LIFR: variants seen among roughly 807,000 people sequenced by gnomAD.
The protein encoded by LIFR is leukemia inhibitory factor receptor.
In LIFR, 84 loss-of-function variants were observed where a neutral mutation model predicts 122.2. That is an observed-to-expected ratio of 0.69 (90% CI 0.58 to 0.82). The LOEUF (loss-of-function observed/expected upper bound fraction) is 0.82. LIFR is among the 40% of genes least tolerant of loss of function. The pLI is 0.00. For missense variants in LIFR, 1,294 were observed against 1,311.6 expected, an observed-to-expected ratio of 0.99 and a Z score of 0.21; for synonymous variants, 422 against 434.7, an observed-to-expected ratio of 0.97 and a Z score of 0.36.
intron 4 of LIFR, among the ~76,000 whole-genome samples, chr5:38,526,299 C>T (rs1015997428): frequency 2.0e-5 from 3 of 151,962 alleles, no homozygotes; most frequent in African/African-American, 7.3e-5. Flanking sequence ...CTTTTTTTTA[C>T]AGGACCCACA....
At chr5:38,539,738 A>C (rs1318001699) in intron 1 of LIFR, among the ~76,000 whole-genome samples, 2 of 152,030 alleles carry the variant, frequency 1.3e-5, no homozygotes, top group Non-Finnish European at 2.9e-5. Context: ...TAGGAGGGGG[A>C]AAAATACTAA....
chr5:38,488,213 A>G (rs1744391632), intron 16 of LIFR, among the ~76,000 whole-genome samples: 1 of 152,148 alleles, frequency 6.6e-6, no homozygotes, highest in Non-Finnish European at 1.5e-5. Flanking sequence ...ATTCACCAGC[A>G]ATCATGAAGG....
At chr5:38,485,739 G>C in intron 17 of LIFR, 80 bp downstream of exon 17, 1 of 1,489,884 alleles carries the variant, frequency 6.7e-7, no homozygotes, top group Non-Finnish European at 9.4e-7. Flanking sequence ...GGGCGGGGAG[G>C]GGTTCCTACA....
rs113120185 is a variant in LIFR, at chr5:38,592,681, G to A, written c.-20+2580C>T. On this transcript the variant is annotated intron_variant, in intron 1 of 19. Coordinates refer to the LIFR transcript ENST00000263409. ...CAAAAAAAAAAAAAAAAAAAGTTAC[G>A]TGAGACGGCACCATATGTGCACATT... 4.7e-3 allele frequency among the ~76,000 whole-genome samples: 713 copies of A among 150,460 alleles called. 8 individuals are homozygous for A. The highest frequency in any genetic ancestry group is 0.016 in the African/African-American group (668 of 40,984).
chr5:38,572,732 A>G (rs1330076887), intron 1 of LIFR, among the ~76,000 whole-genome samples: 1 of 152,208 alleles, frequency 6.6e-6, no homozygotes, highest in East Asian at 1.9e-4. Context: ...GTTGTTAACA[A>G]TAGCTACCCC....
At chr5:38,575,863 G>A (rs368310809) in intron 1 of LIFR, among the ~76,000 whole-genome samples, 2 of 152,294 alleles carry the variant, frequency 1.3e-5, no homozygotes, top group Admixed American at 6.5e-5. Context: ...TAACTGAGGT[G>A]ACCCGGGCTC....
At chr5:38,483,586 T>C (rs1393926420) in intron 18 of LIFR, among the ~76,000 whole-genome samples, 1 of 152,090 alleles carries the variant, frequency 6.6e-6, no homozygotes, top group African/African-American at 2.4e-5. Flanking sequence ...CGTGCCACTA[T>C]GCTCAGCTAA....
At chr5:38,560,629 C>T (rs1229282137), upstream of LIFR, among the ~76,000 whole-genome samples, 2 of 150,508 alleles carry the variant, frequency 1.3e-5, no homozygotes, top group Admixed American at 1.3e-4. Context: ...CAGAGTCTTG[C>T]TCTGTCGTCC....
chr5:38,552,218 C>T (rs1748243342), intron 1 of LIFR, among the ~76,000 whole-genome samples: 1 of 152,166 alleles, frequency 6.6e-6, no homozygotes, highest in South Asian at 2.1e-4. Context: ...AAGTTAAAAA[C>T]CATCATTCTG....
Position 38,475,211 on chromosome 5 carries a change from C to G in LIFR, c.*6384G>C. On this transcript the variant is annotated 3_prime_UTR_variant, in exon 20 of 20. Transcript: ENST00000453190. ...ATATAAAGTGTCCAAATTTCCCATT[C>G]TAACAGCAATTTAAAATCCAAATTT... The G allele has an allele frequency of 5.3e-6, 1 of 187,962 alleles. No homozygotes were observed. The highest frequency in any genetic ancestry group is 1.1e-5 in the Non-Finnish European group (1 of 89,264). The allele number at this position is 187,962 out of a possible 1,614,324, so 11.6% of individuals were successfully genotyped here. A position where few individuals can be genotyped will look rare whatever the true frequency, so the allele number is the denominator to read the frequency against.
intron 5 of LIFR, among the ~76,000 whole-genome samples, chr5:38,519,573 A>C (rs1328151046): frequency 6.6e-6 from 1 of 152,098 alleles, no homozygotes; most frequent in Non-Finnish European, 1.5e-5. Flanking sequence ...CTAACTGTAC[A>C]TTTGTACCCA....
chr5:38,572,772 C>G (rs1470111086), intron 1 of LIFR, among the ~76,000 whole-genome samples: 1 of 152,220 alleles, frequency 6.6e-6, no homozygotes, highest in Non-Finnish European at 1.5e-5. Flanking sequence ...ATGCCAAGCA[C>G]TTTGTGCAGC....
chr5:38,596,595 C>T (rs574325400), upstream of LIFR, among the ~76,000 whole-genome samples: 10 of 152,264 alleles, frequency 6.6e-5, no homozygotes, highest in East Asian at 1.9e-4. Flanking sequence ...TTACCTGGCT[C>T]GGACAGTGTA....
rs1743864643 is a variant in LIFR, at chr5:38,479,271, C to T, written c.*2324G>A. The T allele has an allele frequency of 4.3e-6, 1 of 231,788 alleles. No homozygotes were observed. The highest frequency in any genetic ancestry group is 8.5e-6 in the Non-Finnish European group (1 of 117,164). 14.4% of individuals were successfully genotyped at this position (231,788 alleles called of 1,614,324 possible). A position where few individuals can be genotyped will look rare whatever the true frequency, so the allele number is the denominator to read the frequency against. On this transcript the variant is annotated 3_prime_UTR_variant, in exon 20 of 20. Coordinates refer to ENST00000453190, the MANE Select transcript of LIFR (RefSeq NM_001127671.2). Reference sequence around the variant, plus strand: ...CACAGCAACTTATAAGGAGCTTGCCCAGACTTAATAGCGTTACTCTGCTTC... The same window carrying T: ...CACAGCAACTTATAAGGAGCTTGCCTAGACTTAATAGCGTTACTCTGCTTC...
At chr5:38,483,050 C>T (rs1166687256) in intron 18 of LIFR, among the ~76,000 whole-genome samples, 1 of 152,172 alleles carries the variant, frequency 6.6e-6, no homozygotes, top group Non-Finnish European at 1.5e-5. Flanking sequence ...AACTACATGT[C>T]ATGAGTACAC....
At chr5:38,551,175 C>A (rs1748180086) in intron 1 of LIFR, among the ~76,000 whole-genome samples, 1 of 152,182 alleles carries the variant, frequency 6.6e-6, no homozygotes, top group Non-Finnish European at 1.5e-5. Context: ...GGTCTTGCCT[C>A]CTTCACCTTT....
At chr5:38,520,095 T>G (rs1596663) in intron 5 of LIFR, among the ~76,000 whole-genome samples, 137 of 152,256 alleles carry the variant, frequency 9.0e-4, no homozygotes, top group Non-Finnish European at 1.7e-3. Context: ...TCGCATTGTA[T>G]AAGAGCTTCC....
intron 4 of LIFR, 48 bp downstream of exon 4, chr5:38,527,107 A>C: frequency 6.6e-7 from 1 of 1,514,996 alleles, no homozygotes; most frequent in African/African-American, 1.4e-5. Context: ...AATACTAACA[A>C]GTGACACTTG....
intron 1 of LIFR, among the ~76,000 whole-genome samples, chr5:38,552,421 G>A (rs760014817): frequency 1.3e-5 from 2 of 152,108 alleles, no homozygotes; most frequent in Non-Finnish European, 2.9e-5. Context: ...CTATAGGGCA[G>A]GCACACATTC....
Sources: allele counts gnomAD v4.1 joint callset (sites outside exome capture counted in the v4.1 genomes callset), GRCh38; gene constraint gnomAD v4.1.1; transcripts MANE v1.5; gene names NCBI Gene and HGNC (gene_info 2026-07-23, HGNC 2026-07-21).